Variants in MGAM2 observed in about 807,000 individuals in gnomAD.
MGAM2 encodes the protein maltase-glucoamylase 2 (putative), also known as probable maltase-glucoamylase 2.
MGAM2 carries 98 observed loss-of-function variants against 96.1 expected under a neutral mutation model. That is an observed-to-expected ratio of 1.02 (90% CI 0.87 to 1.21). The LOEUF (loss-of-function observed/expected upper bound fraction) is 1.21. Among genes scored for constraint, MGAM2 ranks in the 50% most tolerant of loss-of-function variants. The pLI is 0.00. For synonymous variants in MGAM2, 749 were observed against 414.8 expected (o/e 1.81, Z -9.79); for missense variants, 2,055 against 1,182.4 (o/e 1.74, Z -10.82).
Position 142,170,129 on chromosome 7 carries a change from C to T in MGAM2, c.3082C>T (p.Pro1028Ser), listed in dbSNP as rs1796145689. The stretch of plus-strand genomic sequence containing the variant: ...GGTTCCAGTACCACTGAACACCCCT[C>T]CCCAACCAGTTGGTGACCCTGAAAA... The part of the protein sequence containing the change: ...YEVPVPLNTP[P>S]QPVGDPENRL... The change falls in exon 27 of 48, where the codon CCC becomes TCC. Residue 1028 changes from proline to serine, a missense_variant. Transcript: ENST00000477922. The T allele has an allele frequency of 1.4e-6, 1 of 702,800 alleles. No homozygotes were observed. Among genetic ancestry groups the T allele is most frequent in the African/African-American group, 1.7e-5 (1 of 57,228 alleles). The allele number at this position is 702,800 out of a possible 1,614,324, so 43.5% of individuals were successfully genotyped here. A position where few individuals can be genotyped will look rare whatever the true frequency, so the allele number is the denominator to read the frequency against.
At position 142,221,563 on chromosome 7, in the gene MGAM2, C is replaced by A. The variant is rs1278039089; in HGVS notation, c.7052C>A (p.Thr2351Asn). The A allele has an allele frequency of 1.9e-6, 1 of 536,446 alleles. No homozygotes were observed. Among genetic ancestry groups the A allele is most frequent in the Non-Finnish European group, 3.3e-6 (1 of 306,964 alleles). 33.2% of individuals were successfully genotyped at this position (536,446 alleles called of 1,614,324 possible). A position where few individuals can be genotyped will look rare whatever the true frequency, so the allele number is the denominator to read the frequency against. Reference sequence around the variant, plus strand: ...TTCAACACTCTTGATACAAAAAGTACCATGGTAATAGATGCTACGGTCACT... The same window carrying A: ...TTCAACACTCTTGATACAAAAAGTAACATGGTAATAGATGCTACGGTCACT... ...IIFNTLDTKSTMVIDATVTTT... is the reference protein window; with the variant it reads ...IIFNTLDTKSNMVIDATVTTT... Residue 2351 changes from threonine (T) to asparagine (N), a missense_variant, in exon 48 of 48, where the codon ACC (threonine) becomes AAC (asparagine). Thr to Asn is a moderately conservative substitution (Grantham distance 65). Coordinates refer to ENST00000477922, the MANE Select transcript of MGAM2 (RefSeq NM_001293626.2).
At chr7:142,138,777 C>T (rs1209863594) in intron 10 of MGAM2, 110 bp downstream of exon 10, 1 of 606,474 alleles carries the variant, frequency 1.6e-6, no homozygotes, top group Non-Finnish European at 3.0e-6. Context: ...GATTGATAGA[C>T]AGGCACACTT....
Position 142,121,350 on chromosome 7 carries a change from G to A in MGAM2, c.186+969G>A, listed in dbSNP as rs10266675. ...CTGCCACCATGCCCAGCTAAATTTT[G>A]TATTTTTAGTAGAGGCAGGGTTTCA... On this transcript the variant is annotated intron_variant, in intron 3 of 47. Transcript: ENST00000477922. Among the ~76,000 whole-genome samples, 373 of 150,226 alleles carry A rather than the reference G, an allele frequency of 2.5e-3. 1 individual carries two copies. The highest frequency in any genetic ancestry group is 8.6e-3 in the African/African-American group (355 of 41,400).
At chr7:142,170,557 C>G (rs1321403836) in intron 27 of MGAM2, among the ~76,000 whole-genome samples, 6 of 152,160 alleles carry the variant, frequency 3.9e-5, no homozygotes, top group Middle Eastern at 6.8e-3. Flanking sequence ...CATATTATGT[C>G]TCATTAAGAA....
At chr7:142,202,504 T>C (rs1350763621) in intron 45 of MGAM2, among the ~76,000 whole-genome samples, 2 of 152,172 alleles carry the variant, frequency 1.3e-5, no homozygotes, top group South Asian at 2.1e-4. Context: ...GTGTCTATTG[T>C]TCTCGTCTTT....
intron 45 of MGAM2, chr7:142,208,291 A>G: frequency 1.8e-6 from 1 of 556,368 alleles, no homozygotes. Flanking sequence ...ACCAAACAGT[A>G]GTCTCCACAC....
At chr7:142,132,362 T>C (rs1466945553) in intron 6 of MGAM2, among the ~76,000 whole-genome samples, 1 of 144,156 alleles carries the variant, frequency 6.9e-6, no homozygotes. Context: ...ATTTATATAA[T>C]ATATAATTAC....
In MGAM2 at chr7:142,161,290, AT is replaced by A. The variant is rs553643844; in HGVS notation, c.2434+78del. The A allele has an allele frequency of 2.6e-4, 179 of 680,362 alleles. No individual in the cohort carries two copies. The African/African-American group carries it at 2.8e-3, about 10-fold the overall frequency. The allele number at this position is 680,362 out of a possible 1,614,324, so 42.1% of individuals were successfully genotyped here. The stretch of plus-strand genomic sequence containing the variant: ...AATTAGTCATCATAGGCTGCCCAAT[AT>A]GGCACTAACCCTATTAGCACTGTCG... On this transcript the variant is annotated intron_variant, in intron 22 of 47. Coordinates refer to ENST00000477922, the MANE Select transcript of MGAM2 (RefSeq NM_001293626.2).
chr7:142,112,779 A>T (rs1238744342), intron 1 of MGAM2, among the ~76,000 whole-genome samples: 1 of 152,206 alleles, frequency 6.6e-6, no homozygotes, highest in African/African-American at 2.4e-5. Context: ...ATCAGCTTCA[A>T]TGCAGGGATT....
rs557365111 is a variant in MGAM2 at position 142,170,056 on chromosome 7, T to C, written c.3028-19T>C. 1.5e-6 allele frequency: 1 copy of C among 688,308 alleles called. No homozygotes were observed. Among genetic ancestry groups the C allele is most frequent in the South Asian group, 1.5e-5 (1 of 64,908 alleles). 42.6% of individuals were successfully genotyped at this position (688,308 alleles called of 1,614,324 possible). Reference sequence around the variant, plus strand: ...GGTCTGAGACCCTAACAGAAAGTTTTCTTCTCTCTTCTTGCCAGATCTATG... The same window carrying C: ...GGTCTGAGACCCTAACAGAAAGTTTCCTTCTCTCTTCTTGCCAGATCTATG... On this transcript the variant is annotated intron_variant, in intron 26 of 47. Coordinates refer to ENST00000477922, the MANE Select transcript of MGAM2 (RefSeq NM_001293626.2).
intron 44 of MGAM2, among the ~76,000 whole-genome samples, 161 bp from the exon 45 acceptor site, chr7:142,199,719 A>G (rs6973313): frequency 0.73 from 111,588 of 152,118 alleles, 41,103 homozygotes; most frequent in African/African-American, 0.79. Flanking sequence ...TAACTTTTAA[A>G]TGTCTTATAT....
intron 45 of MGAM2, among the ~76,000 whole-genome samples, chr7:142,204,510 G>A (rs772186996): frequency 2.0e-5 from 3 of 151,946 alleles, no homozygotes; most frequent in Non-Finnish European, 4.4e-5. Context: ...ATCTAGGTTT[G>A]AATACCATCT....
At position 142,160,266 on chromosome 7, in the gene MGAM2, C is replaced by G. The variant is rs1795850933; in HGVS notation, c.2345+8C>G. On this transcript the variant is annotated splice_region_variant and intron_variant, in intron 21 of 47. Transcript: ENST00000477922. ...CACAACCACAGAAGCCAGGTAAGCT[C>G]CTTACTCTTCTAAGGTATGACTATT... is the stretch of plus-strand genomic sequence containing the variant. 3 of 694,290 alleles carry G rather than the reference C, an allele frequency of 4.3e-6. No homozygotes were observed. Among genetic ancestry groups the G allele is most frequent in the Non-Finnish European group, 7.9e-6 (3 of 381,192 alleles). The allele number at this position is 694,290 out of a possible 1,614,324, so 43.0% of individuals were successfully genotyped here.
chr7:142,214,494 A>C (rs1284036324), intron 46 of MGAM2, among the ~76,000 whole-genome samples: 1 of 152,198 alleles, frequency 6.6e-6, no homozygotes, highest in Non-Finnish European at 1.5e-5. Context: ...AAAAATCACA[A>C]GCATTTCGAT....
chr7:142,145,146 GT>G (rs1563258735), intron 14 of MGAM2, among the ~76,000 whole-genome samples: 2 of 152,156 alleles, frequency 1.3e-5, no homozygotes, highest in Non-Finnish European at 1.5e-5. Flanking sequence ...GGGCAAGCAT[GT>G]GACAAAGTCT....
intron 35 of MGAM2, among the ~76,000 whole-genome samples, chr7:142,186,945 G>A (rs1796718891): frequency 1.4e-5 from 2 of 142,676 alleles, no homozygotes; most frequent in South Asian, 4.7e-4. Flanking sequence ...GATGCTGATA[G>A]CTCTGGGGTA....
intron 46 of MGAM2, among the ~76,000 whole-genome samples, chr7:142,217,610 A>G (rs903246796): frequency 1.3e-5 from 2 of 152,122 alleles, no homozygotes; most frequent in African/African-American, 4.8e-5. Context: ...TATAGTAACC[A>G]GAGGCTGGGA....
At chr7:142,216,806 T>A (rs1797774624) in intron 46 of MGAM2, among the ~76,000 whole-genome samples, 1 of 152,248 alleles carries the variant, frequency 6.6e-6, no homozygotes, top group African/African-American at 2.4e-5. Context: ...GTTTCTTTTT[T>A]CTCTTCCTAC....
rs998588201 is a variant in MGAM2 at position 142,148,326 on chromosome 7, C to T, written c.1634+753C>T. Among the ~76,000 whole-genome samples, 1 of 151,508 alleles carries T rather than the reference C, an allele frequency of 6.6e-6. No individual in the cohort carries two copies. The highest frequency in any genetic ancestry group is 6.6e-5 in the Admixed American group (1 of 15,198). ...CCACCATGACCACCATTCACCATCA[C>T]CATCATAACCGCTACCACTACCATC... On this transcript the variant is annotated intron_variant, in intron 15 of 47. Transcript: ENST00000477922. This position sits in a 1 kb window ranked among gnomAD's most constrained non-coding sequence, Gnocchi z 4.2.
Sources: gnomAD v4.1 joint callset for allele counts (sites outside exome capture counted in the v4.1 genomes callset) on GRCh38, gnomAD v4.1.1 for gene constraint, Gnocchi (gnomAD v3.1) non-coding constraint, MANE v1.5 for transcripts, NCBI Gene and HGNC (gene_info 2026-07-23, HGNC 2026-07-21) for gene names.